Variants in CPXM2 observed in about 807,000 individuals in gnomAD.
The protein encoded by CPXM2 is carboxypeptidase X, M14 family member 2, also known as inactive carboxypeptidase-like protein X2.
CPXM2 carries 66 observed loss-of-function variants against 86.1 expected under a neutral mutation model. The ratio of observed to expected loss-of-function variants is 0.77; its 90% CI spans 0.63 to 0.94. The LOEUF is 0.94. CPXM2 is among the 40% of genes least tolerant of loss of function. The probability of loss-of-function intolerance (pLI) is 0.00; values close to 1 mark genes in which losing one functional copy is unlikely to be tolerated. For missense variants in CPXM2, 948 were observed against 1,026.3 expected (o/e 0.92, Z 1.04); for synonymous variants, 388 against 400.2 (o/e 0.97, Z 0.36).
intron 3 of CPXM2, among the ~76,000 whole-genome samples, chr10:123,846,060 C>T (rs941006449): frequency 1.3e-5 from 2 of 152,160 alleles, no homozygotes; most frequent in African/African-American, 4.8e-5. Context: ...ACACCATTTC[C>T]ATGAAGCTAC....
chr10:123,914,242 A>T (rs1945515930), intron 2 of CPXM2: 2 of 367,002 alleles, frequency 5.4e-6, no homozygotes, highest in Admixed American at 6.6e-5. Context: ...CATCGAGCAC[A>T]TTAACCATGG....
Position 123,797,285 on chromosome 10 carries a change from C to T in CPXM2, c.889+691G>A, listed in dbSNP as rs184920071. Among the ~76,000 whole-genome samples, 63 of 152,326 alleles carry T rather than the reference C, an allele frequency of 4.1e-4. No individual in the cohort carries two copies. The East Asian group carries it at 6.2e-3, about 15-fold the overall frequency. ...GAACTTCTACTCCCTCCTACCCCAC[C>T]GCCACTACCCAGTGTAATGGTATCT... On this transcript the variant is annotated intron_variant, in intron 6 of 13. Coordinates refer to ENST00000241305, the MANE Select transcript of CPXM2 (RefSeq NM_198148.3).
At chr10:123,781,849 C>CT (rs1338709167) in intron 6 of CPXM2, among the ~76,000 whole-genome samples, 3 of 152,214 alleles carry the variant, frequency 2.0e-5, no homozygotes, top group Admixed American at 2.0e-4. Context: ...TGAGCCAGCC[C>CT]TGTGCCTGCA....
intron 6 of CPXM2, among the ~76,000 whole-genome samples, chr10:123,789,047 G>A (rs1201236924): frequency 6.6e-6 from 1 of 152,116 alleles, no homozygotes; most frequent in South Asian, 2.1e-4. Flanking sequence ...ACCCCAACAT[G>A]CTCAGCAGAC....
intron 4 of CPXM2, among the ~76,000 whole-genome samples, chr10:123,812,848 T>A (rs1847723257): frequency 6.6e-6 from 1 of 152,022 alleles, no homozygotes; most frequent in Non-Finnish European, 1.5e-5. Flanking sequence ...CCCCACCATC[T>A]GTATAAAAAC....
intron 4 of CPXM2, among the ~76,000 whole-genome samples, chr10:123,828,412 G>A (rs930153675): frequency 2.6e-5 from 4 of 152,164 alleles, no homozygotes; most frequent in Non-Finnish European, 4.4e-5. Flanking sequence ...TCATGAGAGG[G>A]ACCTGGTGGG....
intron 2 of CPXM2, among the ~76,000 whole-genome samples, chr10:123,926,416 G>T (rs909205626): frequency 6.6e-6 from 1 of 152,160 alleles, no homozygotes; most frequent in African/African-American, 2.4e-5. Flanking sequence ...CAGTTTATTG[G>T]AATCATCTGT....
chr10:123,785,051 A>G (rs970948935), intron 6 of CPXM2, among the ~76,000 whole-genome samples: 2 of 152,156 alleles, frequency 1.3e-5, no homozygotes, highest in Non-Finnish European at 2.9e-5. Context: ...ACCTCTAGAA[A>G]ATTCTGTAAT....
At chr10:123,796,416 A>G (rs1411120761) in intron 6 of CPXM2, among the ~76,000 whole-genome samples, 1 of 152,212 alleles carries the variant, frequency 6.6e-6, no homozygotes, top group East Asian at 1.9e-4. Flanking sequence ...GGGGAGAAGC[A>G]TCCCAAAGAC....
At chr10:123,868,817 A>G (rs1944842661) in intron 2 of CPXM2, among the ~76,000 whole-genome samples, 2 of 152,296 alleles carry the variant, frequency 1.3e-5, no homozygotes, top group African/African-American at 2.4e-5. Context: ...TGAGGACTGC[A>G]TGGCACTTCC....
chr10:123,904,151 A>G (rs1044417122), intron 2 of CPXM2, among the ~76,000 whole-genome samples: 8 of 152,186 alleles, frequency 5.3e-5, no homozygotes, highest in African/African-American at 7.2e-5. Context: ...TATCTTTTCT[A>G]TATCAGCTTA....
At chr10:123,856,670 C>A (rs1465568716) in intron 3 of CPXM2, among the ~76,000 whole-genome samples, 1 of 152,150 alleles carries the variant, frequency 6.6e-6, no homozygotes, top group Non-Finnish European at 1.5e-5. Flanking sequence ...TGGCTCACTG[C>A]AACCTCAGCC....
At chr10:123,815,783 G>A (rs1000001076) in intron 4 of CPXM2, among the ~76,000 whole-genome samples, 1 of 152,088 alleles carries the variant, frequency 6.6e-6, no homozygotes, top group Admixed American at 6.5e-5. Context: ...CCCATGAGGA[G>A]GTACACCAGA....
chr10:123,896,997 T>A (rs1317488385), intron 2 of CPXM2, among the ~76,000 whole-genome samples: 1 of 144,050 alleles, frequency 6.9e-6, no homozygotes, highest in Non-Finnish European at 1.6e-5. Flanking sequence ...GATTGCCCAA[T>A]AGAGATAGGA....
intron 10 of CPXM2, among the ~76,000 whole-genome samples, chr10:123,764,982 A>AT (rs527871884): frequency 1.3e-5 from 2 of 151,972 alleles, no homozygotes; most frequent in African/African-American, 2.4e-5. Flanking sequence ...AGTTGCCAGT[A>AT]TTTTTTTCTT....
chr10:123,806,921 G>A (rs1007945843), intron 4 of CPXM2, among the ~76,000 whole-genome samples: 7 of 152,122 alleles, frequency 4.6e-5, no homozygotes, highest in African/African-American at 1.7e-4. Context: ...GGGACACAGA[G>A]CCAAACCATA....
intron 4 of CPXM2, among the ~76,000 whole-genome samples, chr10:123,803,589 T>C (rs756888872): frequency 1.4e-4 from 21 of 152,208 alleles, no homozygotes; most frequent in Non-Finnish European, 2.4e-4. Flanking sequence ...ACATTTAAGA[T>C]CTGCAATCCA....
chr10:123,907,439 C>T (rs1945452287), intron 2 of CPXM2, among the ~76,000 whole-genome samples: 1 of 152,206 alleles, frequency 6.6e-6, no homozygotes, highest in Non-Finnish European at 1.5e-5. Flanking sequence ...AGCGGCATCG[C>T]TGGGCGGGGC....
At chr10:123,836,449 C>A (rs76927841) in intron 4 of CPXM2, among the ~76,000 whole-genome samples, 1,544 of 152,222 alleles carry the variant, frequency 0.01, 32 homozygotes, top group African/African-American at 0.034. Flanking sequence ...GCCACCAGTG[C>A]CACAACGCCC....
Sources: allele counts gnomAD v4.1 joint callset (sites outside exome capture counted in the v4.1 genomes callset), GRCh38; gene constraint gnomAD v4.1.1; transcripts MANE v1.5; gene names NCBI Gene and HGNC (gene_info 2026-07-23, HGNC 2026-07-21).